Variants in ESR1 observed in about 807,000 individuals in gnomAD.
ESR1 encodes the protein estrogen receptor 1, also known as estrogen receptor.
In ESR1, 12 loss-of-function variants were observed where a neutral mutation model predicts 52.7. The observed-to-expected ratio is 0.23, with a 90% confidence interval of 0.15 to 0.37. ESR1 has a LOEUF of 0.37. ESR1 is among the 10% of genes least tolerant of loss of function. The probability of loss-of-function intolerance (pLI) is 1.00; values close to 1 mark genes in which losing one functional copy is unlikely to be tolerated. For missense variants in ESR1, 584 were observed against 779.7 expected (o/e 0.75, Z 2.99); for synonymous variants, 305 against 316.8 (o/e 0.96, Z 0.39).
chr6:151,877,425 T>C (rs755477146), intron 2 of ESR1, among the ~76,000 whole-genome samples: 1 of 152,256 alleles, frequency 6.6e-6, no homozygotes, highest in Non-Finnish European at 1.5e-5. Flanking sequence ...ATATCAAATA[T>C]GTATTTATTA....
chr6:151,736,375 G>GTTATTTTTTTTT (rs748276035), intron 2 of ESR1, among the ~76,000 whole-genome samples: 1 of 112,720 alleles, frequency 8.9e-6, no homozygotes, highest in African/African-American at 3.8e-5. Context: ...TCCAGGTAGT[G>GTTATTTTTTTTT]TTTTTTTTTT....
intron 5 of ESR1, among the ~76,000 whole-genome samples, chr6:152,027,694 T>C (rs1307250338): frequency 6.6e-6 from 1 of 152,224 alleles, no homozygotes; most frequent in African/African-American, 2.4e-5. Context: ...TTTGTCTGAA[T>C]GTTGAATTTT....
intron 3 of ESR1, among the ~76,000 whole-genome samples, chr6:151,897,767 T>G (rs1490546593): frequency 6.6e-6 from 1 of 152,146 alleles, no homozygotes; most frequent in Non-Finnish European, 1.5e-5. Flanking sequence ...AGTAGTATTT[T>G]TGTTTTATAC....
At chr6:151,797,473 A>G (rs750834619) in intron 2 of ESR1, among the ~76,000 whole-genome samples, 10 of 152,010 alleles carry the variant, frequency 6.6e-5, no homozygotes, top group Non-Finnish European at 1.5e-4. Context: ...TCCTTTTTAT[A>G]TTTTCTGTCT....
chr6:152,065,606 C>T (rs1356863922), intron 6 of ESR1, among the ~76,000 whole-genome samples: 1 of 152,194 alleles, frequency 6.6e-6, no homozygotes, highest in Non-Finnish European at 1.5e-5. Flanking sequence ...CACCTCCCTC[C>T]CTGGTAACTT....
upstream of ESR1, among the ~76,000 whole-genome samples, chr6:151,801,682 G>T (rs1422726359): frequency 6.6e-6 from 1 of 152,202 alleles, no homozygotes; most frequent in Non-Finnish European, 1.5e-5. Flanking sequence ...TTGTTAATGT[G>T]TACCCTTGCA....
intron 6 of ESR1, among the ~76,000 whole-genome samples, chr6:152,113,803 G>A (rs949652070): frequency 6.6e-6 from 1 of 151,922 alleles, no homozygotes; most frequent in Non-Finnish European, 1.5e-5. Context: ...ATGTATTAAC[G>A]TCATAACAAC....
intron 2 of ESR1, among the ~76,000 whole-genome samples, chr6:151,712,470 AG>A (rs1184033861): frequency 1.3e-5 from 2 of 152,136 alleles, no homozygotes; most frequent in African/African-American, 4.8e-5. Context: ...TTCCTATCCA[AG>A]AGCATCGAAT....
intron 2 of ESR1, among the ~76,000 whole-genome samples, chr6:151,767,782 A>G (rs920006983): frequency 1.3e-5 from 2 of 152,356 alleles, no homozygotes; most frequent in Admixed American, 1.3e-4. Context: ...TGGCTCCACA[A>G]CTACCAAAGC....
At chr6:151,928,503 A>G (rs990435155) in intron 3 of ESR1, among the ~76,000 whole-genome samples, 2 of 152,118 alleles carry the variant, frequency 1.3e-5, no homozygotes, top group Non-Finnish European at 1.5e-5. Context: ...GAATGCATGC[A>G]TATTACTTTT....
At chr6:152,015,237 G>A (rs1479814802) in intron 5 of ESR1, among the ~76,000 whole-genome samples, 1 of 152,076 alleles carries the variant, frequency 6.6e-6, no homozygotes, top group Non-Finnish European at 1.5e-5. Flanking sequence ...CTCTTCCATT[G>A]CTTCTGAGAG....
chr6:151,731,080 A>C (rs2982564), intron 2 of ESR1, among the ~76,000 whole-genome samples: 2,571 of 152,074 alleles, frequency 0.017, 67 homozygotes, highest in African/African-American at 0.058. Context: ...TGCAGGCTGG[A>C]CGCAGTGGCC....
chr6:151,894,962 T>C (rs951565685), intron 3 of ESR1, among the ~76,000 whole-genome samples: 1 of 152,162 alleles, frequency 6.6e-6, no homozygotes, highest in South Asian at 2.1e-4. Flanking sequence ...ATTGAAGTTG[T>C]AGATTGCTTT....
At chr6:151,705,837 C>T (rs1420110749) in intron 2 of ESR1, among the ~76,000 whole-genome samples, 2 of 152,116 alleles carry the variant, frequency 1.3e-5, no homozygotes, top group Non-Finnish European at 2.9e-5. Flanking sequence ...TGGGTGTGTG[C>T]TAAGAGGATC....
intron 2 of ESR1, among the ~76,000 whole-genome samples, chr6:151,728,922 G>A (rs1782039312): frequency 6.6e-6 from 1 of 152,182 alleles, no homozygotes; most frequent in South Asian, 2.1e-4. Context: ...TGCTAAAAAT[G>A]CATGTAGATA....
At chr6:151,842,289 G>A (rs1022244650) in intron 1 of ESR1, among the ~76,000 whole-genome samples, 5 of 152,124 alleles carry the variant, frequency 3.3e-5, no homozygotes, top group African/African-American at 1.2e-4. Flanking sequence ...TGAAATAATT[G>A]TATATTCCTG....
chr6:151,953,733 G>C (rs545442442), intron 4 of ESR1, among the ~76,000 whole-genome samples: 2 of 152,012 alleles, frequency 1.3e-5, no homozygotes, highest in Non-Finnish European at 2.9e-5. Flanking sequence ...AGAATACAGT[G>C]AGGACCTTGG....
At chr6:151,719,489 T>C (rs1781301987) in intron 2 of ESR1, among the ~76,000 whole-genome samples, 1 of 151,930 alleles carries the variant, frequency 6.6e-6, no homozygotes, top group East Asian at 1.9e-4. Context: ...CGCCTTAAGG[T>C]GGGAGCATTT....
At position 152,061,662 on chromosome 6, in the gene ESR1, C is replaced by G. The variant is rs1381230236; in HGVS notation, c.1369+538C>G. 6.6e-6 allele frequency among the ~76,000 whole-genome samples: 1 copy of G among 152,226 alleles called. No homozygotes were observed. The highest frequency in any genetic ancestry group is 2.4e-5 in the African/African-American group (1 of 41,452). ...CAGCTGAAAGAACATTTTCCATTTGCTCTATGAAGTCTGATTCTACTGCCC... is the reference window on the plus strand; with the variant it reads ...CAGCTGAAAGAACATTTTCCATTTGGTCTATGAAGTCTGATTCTACTGCCC... On this transcript the variant is annotated intron_variant, in intron 6 of 7. Coordinates refer to ENST00000206249, the MANE Select transcript of ESR1 (RefSeq NM_000125.4). This position sits in a 1 kb window ranked among gnomAD's most constrained non-coding sequence, Gnocchi z 4.3.
Sources: allele counts gnomAD v4.1 joint callset (sites outside exome capture counted in the v4.1 genomes callset), GRCh38; gene constraint gnomAD v4.1.1; non-coding constraint Gnocchi (gnomAD v3.1); transcripts MANE v1.5; gene names NCBI Gene and HGNC (gene_info 2026-07-23, HGNC 2026-07-21).